Variants in EXTL3 observed in about 807,000 individuals in gnomAD.
The protein encoded by EXTL3 is exostosin-like 3.
Under a neutral mutation model 69.3 loss-of-function variants are expected in EXTL3, and 27 were observed. The ratio of observed to expected loss-of-function variants is 0.39; its 90% CI spans 0.29 to 0.54. The LOEUF (loss-of-function observed/expected upper bound fraction) is 0.54, where lower values mean the gene tolerates loss of function less well. Among genes scored for constraint, EXTL3 ranks in the 20% least tolerant of loss-of-function variants. The probability of loss-of-function intolerance (pLI) is 0.69; values close to 1 mark genes in which losing one functional copy is unlikely to be tolerated. For synonymous variants in EXTL3, 511 were observed against 499.4 expected (o/e 1.02, Z -0.31); for missense variants, 1,003 against 1,231.8 (o/e 0.81, Z 2.78).
At chr8:28,699,491 C>T (rs1360814601), upstream of EXTL3, 2 of 152,664 alleles carry the variant, frequency 1.3e-5, no homozygotes, top group Non-Finnish European at 2.9e-5. Flanking sequence ...CCTGTTCTTC[C>T]TAAGGCTTCA....
chr8:28,746,136 C>T (rs1801883438), intron 6 of EXTL3, among the ~76,000 whole-genome samples: 1 of 152,000 alleles, frequency 6.6e-6, no homozygotes, highest in African/African-American at 2.4e-5. Context: ...GCTTTAAATA[C>T]CTCAAATTTT....
intron 1 of EXTL3, among the ~76,000 whole-genome samples, chr8:28,639,563 C>G (rs1806711092): frequency 6.6e-6 from 1 of 152,146 alleles, no homozygotes; most frequent in South Asian, 2.1e-4. Context: ...CCTGCCTGCC[C>G]CTGCCTGCCT....
rs562848573 is a variant in EXTL3, at chr8:28,636,101, C to T, written c.-53+13291C>T. On this transcript the variant is annotated intron_variant, in intron 1 of 6. Coordinates refer to the EXTL3 transcript ENST00000523149. ...ATCCTCACACTTTGGGAGGCTGAGG[C>T]GGGTAGATCACATGAGGTCAGGAGT... 1.3e-4 allele frequency among the ~76,000 whole-genome samples: 20 copies of T among 152,012 alleles called. No individual in the cohort carries two copies. The South Asian group carries it at 1.7e-3, about 13-fold the overall frequency.
At position 28,716,320 on chromosome 8, in the gene EXTL3, G is replaced by C. The variant is rs1035328996; in HGVS notation, c.261G>C (p.Glu87Asp). 4 of 1,614,210 alleles carry C rather than the reference G, an allele frequency of 2.5e-6. No homozygotes were observed. The highest frequency in any genetic ancestry group is 3.4e-6 in the Non-Finnish European group (4 of 1,180,042). ...KHVLDLCRIR[E>D]SVSEELLQLE... Reference sequence around the variant, plus strand: ...TGCTGGATCTGTGCCGCATCCGGGAGTCGGTGAGTGAAGAGCTCCTGCAGC... The same window carrying C: ...TGCTGGATCTGTGCCGCATCCGGGACTCGGTGAGTGAAGAGCTCCTGCAGC... The change falls in exon 3 of 7, where the codon GAG (glutamate) becomes GAC (aspartate). Residue 87 changes from glutamate (E) to aspartate (D), a missense_variant. This residue lies in a region of EXTL3 where 742 missense variants were observed against 815.4 expected (regional missense o/e 0.91). Transcript: ENST00000220562. The surrounding 1 kb of genome is among the most constrained non-coding windows in gnomAD (Gnocchi z 7.1).
At chr8:28,608,115 A>G (rs893621333) in intron 2 of EXTL3, among the ~76,000 whole-genome samples, 1 of 151,902 alleles carries the variant, frequency 6.6e-6, no homozygotes, top group African/African-American at 2.4e-5. Flanking sequence ...ATCTCAAAAA[A>G]AAAAAAAAGA....
At chr8:28,693,132 C>G (rs1228027132) in intron 1 of EXTL3, among the ~76,000 whole-genome samples, 1 of 150,022 alleles carries the variant, frequency 6.7e-6, no homozygotes, top group South Asian at 2.1e-4. Context: ...GGTTAGGTGT[C>G]TTATGCAGAT....
At position 28,716,294 on chromosome 8, in the gene EXTL3, G is replaced by A. The variant is rs374083446; in HGVS notation, c.235G>A (p.Val79Met). Residue 79 changes from valine to methionine, a missense_variant, in exon 3 of 7, where the codon GTG becomes ATG. Coordinates refer to ENST00000220562, the MANE Select transcript of EXTL3 (RefSeq NM_001440.4). The surrounding 1 kb of genome is among the most constrained non-coding windows in gnomAD (Gnocchi z 7.1). Reference sequence around the variant, plus strand: ...GAACGAGCTGTGCGAGGTGAAGCACGTGCTGGATCTGTGCCGCATCCGGGA... The same window carrying A: ...GAACGAGCTGTGCGAGGTGAAGCACATGCTGGATCTGTGCCGCATCCGGGA... ...VGNELCEVKH[V>M]LDLCRIRESV... The A allele has an allele frequency of 3.6e-5, 58 of 1,614,238 alleles. No homozygotes were observed. The highest frequency in any genetic ancestry group is 1.6e-4 in the Middle Eastern group (1 of 6,062).
At chr8:28,619,266 TAAAAAAAAAAAAAAAAAAAAAAAAAAA>T (rs755355444), upstream of EXTL3, among the ~76,000 whole-genome samples, 1,702 of 64,668 alleles carry the variant, frequency 0.026, 62 homozygotes, top group African/African-American at 0.083. Flanking sequence ...AGCTTAGTGA[TAAAAAAAAAAAAAAAAAAAAAAAAAAA>T]AAAAAAAAAA....
At chr8:28,677,442 A>G (rs763792773) in intron 1 of EXTL3, among the ~76,000 whole-genome samples, 8 of 152,192 alleles carry the variant, frequency 5.3e-5, no homozygotes, top group Non-Finnish European at 1.0e-4. Context: ...ATGACTCGCT[A>G]CAGATGACTG....
At chr8:28,689,107 G>A (rs1348681364) in intron 1 of EXTL3, among the ~76,000 whole-genome samples, 2 of 152,190 alleles carry the variant, frequency 1.3e-5, no homozygotes, top group East Asian at 3.9e-4. Context: ...CTGAACTTCT[G>A]TGGCTGTTCT....
At chr8:28,647,723 G>A (rs2164759) in intron 1 of EXTL3, among the ~76,000 whole-genome samples, 9,705 of 151,978 alleles carry the variant, frequency 0.064, 893 homozygotes, top group African/African-American at 0.2. Flanking sequence ...AGAAGCTGTC[G>A]GGGAAAGAAA....
intron 4 of EXTL3, among the ~76,000 whole-genome samples, chr8:28,734,642 G>A (rs1801608883): frequency 6.6e-6 from 1 of 152,224 alleles, no homozygotes; most frequent in Non-Finnish European, 1.5e-5. Flanking sequence ...AACCCAGGAG[G>A]TGGAGGTTGC....
At chr8:28,648,988 G>A (rs749187556) in intron 1 of EXTL3, among the ~76,000 whole-genome samples, 3 of 152,128 alleles carry the variant, frequency 2.0e-5, no homozygotes, top group Non-Finnish European at 4.4e-5. Context: ...CTGCCTCCGG[G>A]TTCAAGAAAT....
intron 1 of EXTL3, among the ~76,000 whole-genome samples, chr8:28,646,719 A>G (rs988418188): frequency 9.2e-5 from 14 of 152,242 alleles, no homozygotes; most frequent in African/African-American, 2.9e-4. Context: ...CTGGGTTCAC[A>G]TGCCAGCTTA....
Position 28,668,865 on chromosome 8 carries a change from C to CTTTTTTTT in EXTL3, c.-52-44583_-52-44576dup, listed in dbSNP as rs999113088. On this transcript the variant is annotated intron_variant, in intron 1 of 6. Coordinates refer to the EXTL3 transcript ENST00000523149. ...ACCCCTGCCTCCTTTGATAGAATCT[C>CTTTTTTTT]TTTTTTTTTTTTTTTTGAGACAGAG... Among the ~76,000 whole-genome samples the CTTTTTTTT allele has an allele frequency of 3.2e-3, 306 of 94,434 alleles. 38 individuals are homozygous for CTTTTTTTT. The South Asian group carries it at 0.038, about 12-fold the overall frequency. The allele number at this position is 94,434 out of a possible 152,430, so 62.0% of individuals were successfully genotyped here. A position where few individuals can be genotyped will look rare whatever the true frequency, so the allele number is the denominator to read the frequency against.
At chr8:28,688,621 A>G (rs922939913) in intron 1 of EXTL3, among the ~76,000 whole-genome samples, 20 of 152,226 alleles carry the variant, frequency 1.3e-4, no homozygotes, top group African/African-American at 4.6e-4. Context: ...ATTCAAATCT[A>G]AATCTTTCTG....
intron 2 of EXTL3, among the ~76,000 whole-genome samples, chr8:28,715,182 C>T (rs1801114836): frequency 6.6e-6 from 1 of 152,082 alleles, no homozygotes; most frequent in African/African-American, 2.4e-5. Flanking sequence ...TAGGAATAAA[C>T]ATAAACTACC....
chr8:28,747,682 T>TAC (rs1398788308), intron 6 of EXTL3, among the ~76,000 whole-genome samples: 2 of 151,870 alleles, frequency 1.3e-5, no homozygotes, highest in African/African-American at 2.4e-5. Context: ...CATATATATA[T>TAC]ACACATATGT....
At chr8:28,619,448 A>C (rs1806377775), upstream of EXTL3, among the ~76,000 whole-genome samples, 1 of 151,936 alleles carries the variant, frequency 6.6e-6, no homozygotes, top group Non-Finnish European at 1.5e-5. Flanking sequence ...CTCCGAAAGA[A>C]CACGCTTCCT....
Sources: gnomAD v4.1 joint callset for allele counts (sites outside exome capture counted in the v4.1 genomes callset) on GRCh38, gnomAD v4.1.1 for gene constraint, gnomAD v4.1.1 regional missense constraint, Gnocchi (gnomAD v3.1) non-coding constraint, MANE v1.5 for transcripts, NCBI Gene and HGNC (gene_info 2026-07-23, HGNC 2026-07-21) for gene names.